The following GKAP1 variants were observed in gnomAD, a reference collection of about 807,000 sequenced individuals.
GKAP1 encodes the protein G kinase-anchoring protein 1.
A neutral mutation model predicts 56.7 loss-of-function variants in GKAP1; 31 were observed. That is an observed-to-expected ratio of 0.55 (90% confidence interval 0.41 to 0.74). The LOEUF is 0.74. Ranked by LOEUF, GKAP1 falls within the 30% of genes least tolerant of loss-of-function variation. The pLI, the probability that GKAP1 is intolerant of heterozygous loss-of-function variation, is 0.00. For missense variants in GKAP1, 364 were observed against 402.3 expected (o/e 0.90, Z 0.82); for synonymous variants, 151 against 138.6 (o/e 1.09, Z -0.63).
intron 7 of GKAP1, among the ~76,000 whole-genome samples, chr9:83,776,926 AT>A (rs35800948): frequency 0.55 from 84,313 of 152,104 alleles, 24,341 homozygotes; most frequent in Admixed American, 0.69. Context: ...CATGTGGAGC[AT>A]TAGTGCTAAA....
chr9:83,799,472 ATT>A, intron 3 of GKAP1, 144 bp from the exon 4 acceptor site: 1 of 596,008 alleles, frequency 1.7e-6, no homozygotes, highest in South Asian at 2.2e-5. Context: ...TAAAGTTATT[ATT>A]TGTGTTTTCT....
intron 3 of GKAP1, among the ~76,000 whole-genome samples, chr9:83,804,127 G>A (rs1173729744): frequency 6.7e-6 from 1 of 148,876 alleles, no homozygotes; most frequent in African/African-American, 2.5e-5. Flanking sequence ...GAGGTAGGGG[G>A]GTCAGCCCCC....
chr9:83,746,210 T>C (rs1486142586), intron 10 of GKAP1, among the ~76,000 whole-genome samples: 1 of 152,256 alleles, frequency 6.6e-6, no homozygotes, highest in Non-Finnish European at 1.5e-5. Context: ...TGATTTTTAC[T>C]CATTGTTTGA....
intron 4 of GKAP1, among the ~76,000 whole-genome samples, chr9:83,796,679 C>T (rs1225686609): frequency 1.3e-5 from 2 of 152,068 alleles, no homozygotes; most frequent in African/African-American, 2.4e-5. Context: ...ATTGGTCAGG[C>T]TGGTCTCGAA....
intron 8 of GKAP1, among the ~76,000 whole-genome samples, chr9:83,768,424 C>G (rs1021809608): frequency 6.6e-6 from 1 of 152,176 alleles, no homozygotes; most frequent in African/African-American, 2.4e-5. Flanking sequence ...TTCAAAACCT[C>G]TTTTTTATTG....
At chr9:83,811,221 G>C (rs1944502005) in intron 2 of GKAP1, among the ~76,000 whole-genome samples, 1 of 152,190 alleles carries the variant, frequency 6.6e-6, no homozygotes. Context: ...CCATTGAAAA[G>C]TGTTTTGAAA....
chr9:83,804,621 T>TG (rs1202204383), intron 3 of GKAP1, among the ~76,000 whole-genome samples: 93 of 52,490 alleles, frequency 1.8e-3, no homozygotes, highest in South Asian at 5.4e-3. Context: ...AGGAGGGAGG[T>TG]GGGGGGGGTC....
intron 9 of GKAP1, among the ~76,000 whole-genome samples, chr9:83,752,219 T>C (rs552173445): frequency 1.1e-3 from 165 of 152,224 alleles, no homozygotes; most frequent in African/African-American, 3.8e-3. Flanking sequence ...CTGGTCAACA[T>C]AGTGAAACCC....
At chr9:83,742,693 G>C in intron 10 of GKAP1, 93 bp from the exon 11 acceptor site, 3 of 671,636 alleles carry the variant, frequency 4.5e-6, no homozygotes, top group Non-Finnish European at 7.8e-6. Flanking sequence ...AGTGCAATTA[G>C]AACAATGATT....
chr9:83,790,949 T>C (rs1944147764), intron 4 of GKAP1, among the ~76,000 whole-genome samples: 1 of 152,260 alleles, frequency 6.6e-6, no homozygotes, highest in Non-Finnish European at 1.5e-5. Flanking sequence ...TTATTTCTAA[T>C]ATGTCACATA....
Position 83,817,547 on chromosome 9 carries a change from C to G in GKAP1, c.-206G>C, listed in dbSNP as rs1053148748. On this transcript the variant is annotated 5_prime_UTR_variant, in exon 1 of 13. Coordinates refer to ENST00000376371, the MANE Select transcript of GKAP1 (RefSeq NM_025211.4). ...CTCCCGTGCCGCCGGCTCGGCCCTC[C>G]TCTCCCTCCTCCCCCCGCCGCCGCC... 6.6e-6 allele frequency: 1 copy of G among 151,730 alleles called. No homozygotes were observed. Among genetic ancestry groups the G allele is most frequent in the African/African-American group, 2.4e-5 (1 of 41,276 alleles). The allele number at this position is 151,730 out of a possible 1,614,324, so 9.4% of individuals were successfully genotyped here.
At chr9:83,811,491 C>A (rs1944505288) in intron 2 of GKAP1, among the ~76,000 whole-genome samples, 1 of 152,110 alleles carries the variant, frequency 6.6e-6, no homozygotes, top group African/African-American at 2.4e-5. Context: ...AAAACAAACA[C>A]AAAGCAAACA....
chr9:83,798,479 C>T lies in GKAP1; in HGVS notation c.360+706G>A, dbSNP rs368735364. Among the ~76,000 whole-genome samples, 27 of 152,144 alleles carry T rather than the reference C, an allele frequency of 1.8e-4. 1 individual carries two copies. The highest frequency in any genetic ancestry group is 5.8e-4 in the African/African-American group (24 of 41,514). On this transcript the variant is annotated intron_variant, in intron 4 of 12. Coordinates refer to ENST00000376371, the MANE Select transcript of GKAP1 (RefSeq NM_025211.4). The stretch of plus-strand genomic sequence containing the variant: ...AGAAACAAACAACAGTAAAGTTTCC[C>T]AAAGGATTTCTTTTTTAAGCAAAAC...
At chr9:83,782,034 C>T (rs951413631) in intron 6 of GKAP1, among the ~76,000 whole-genome samples, 3 of 151,730 alleles carry the variant, frequency 2.0e-5, no homozygotes, top group Admixed American at 6.6e-5. Context: ...TAGTAAAGAT[C>T]GGTTTCACTG....
At chr9:83,742,622 C>T (rs1283829793) in intron 10 of GKAP1, 22 bp from the exon 11 acceptor site, 16 of 1,556,968 alleles carry the variant, frequency 1.0e-5, no homozygotes, top group East Asian at 2.2e-5. Context: ...GGAAAAACAG[C>T]AGTATAGATT....
chr9:83,756,625 C>A (rs1004564387), intron 8 of GKAP1, among the ~76,000 whole-genome samples: 7 of 152,038 alleles, frequency 4.6e-5, no homozygotes, highest in Non-Finnish European at 1.0e-4. Context: ...ACCAAATTAT[C>A]AGTACTGTAG....
intron 5 of GKAP1, among the ~76,000 whole-genome samples, chr9:83,787,194 T>A (rs922584696): frequency 3.3e-5 from 5 of 152,234 alleles, no homozygotes; most frequent in Admixed American, 6.5e-5. Flanking sequence ...AGCAACTTTT[T>A]TCCTTTTCCC....
At chr9:83,793,956 CAGG>C (rs1414051650) in intron 4 of GKAP1, among the ~76,000 whole-genome samples, 2 of 152,054 alleles carry the variant, frequency 1.3e-5, no homozygotes, top group Non-Finnish European at 2.9e-5. Context: ...TGCTTGAGAC[CAGG>C]AGTTCAAGAC....
At chr9:83,807,187 C>G (rs1475467855) in intron 2 of GKAP1, among the ~76,000 whole-genome samples, 1 of 152,200 alleles carries the variant, frequency 6.6e-6, no homozygotes, top group East Asian at 1.9e-4. Context: ...CATGTGCTGT[C>G]AGCTTTTCCA....
Sources: allele counts gnomAD v4.1 joint callset (sites outside exome capture counted in the v4.1 genomes callset), GRCh38; gene constraint gnomAD v4.1.1; transcripts MANE v1.5; gene names NCBI Gene and HGNC (gene_info 2026-07-23, HGNC 2026-07-21).